CALB2: variants seen among roughly 807,000 people sequenced by gnomAD.
The protein encoded by CALB2 is calretinin.
A neutral mutation model predicts 45.9 loss-of-function variants in CALB2; 34 were observed. That is an observed-to-expected ratio of 0.74 (90% CI 0.56 to 0.99). The LOEUF (loss-of-function observed/expected upper bound fraction) is 0.99, where lower values mean the gene tolerates loss of function less well. CALB2 is among the 50% of genes least tolerant of loss of function. CALB2 has a pLI of 0.00. For synonymous variants in CALB2, 142 were observed against 129.6 expected (o/e 1.10, Z -0.65); for missense variants, 344 against 339.3 (o/e 1.01, Z -0.11).
chr16:71,389,821 C>A lies in CALB2; in HGVS notation c.772C>A (p.Arg258Ser), dbSNP rs776150442. The change falls in exon 11 of 11, where the codon CGC becomes AGC. Residue 258 changes from arginine (R) to serine (S), a missense_variant. By Grantham distance (110) the Arg-to-Ser change is moderately radical. Transcript: ENST00000302628. Reference protein sequence around the residue: ...MSLAEAGKLYRKDLEIVLCSE... With the variant: ...MSLAEAGKLYSKDLEIVLCSE... ...CTTGGCAGAGGCAGGGAAGCTCTAC[C>A]GCAAGGACCTGGAGATTGTGCTCTG... 6.2e-7 allele frequency: 1 copy of A among 1,613,858 alleles called. No homozygotes were observed. The highest frequency in any genetic ancestry group is 1.3e-5 in the African/African-American group (1 of 74,936).
In CALB2 at chr16:71,389,927, C is replaced by T. The variant is rs1333055501; in HGVS notation, c.*62C>T. The T allele has an allele frequency of 5.1e-6, 6 of 1,170,552 alleles. No individual in the cohort carries two copies. Among genetic ancestry groups the T allele is most frequent in the Middle Eastern group, 2.7e-4 (1 of 3,724 alleles). The allele number at this position is 1,170,552 out of a possible 1,614,324, so 72.5% of individuals were successfully genotyped here. On this transcript the variant is annotated 3_prime_UTR_variant, in exon 11 of 11. Coordinates refer to ENST00000302628, the MANE Select transcript of CALB2 (RefSeq NM_001740.5). The stretch of plus-strand genomic sequence containing the variant: ...CCCTGCTTCTGCTGCCCTGATGCGT[C>T]TACCCAGACTCAGAGACCGTGAGCG...
At chr16:71,377,555 A>C in intron 3 of CALB2, 112 bp from the exon 4 acceptor site, 1 of 693,426 alleles carries the variant, frequency 1.4e-6, no homozygotes, top group East Asian at 2.7e-5. Context: ...AAGAAAACGC[A>C]ATTCCCACAC....
At chr16:71,386,847 A>G (rs1318742842) in intron 10 of CALB2, among the ~76,000 whole-genome samples, 2 of 152,220 alleles carry the variant, frequency 1.3e-5, no homozygotes. Context: ...TATCTTAAAT[A>G]TCATCCTTCA....
At chr16:71,368,719 T>C (rs1259053200) in intron 1 of CALB2, among the ~76,000 whole-genome samples, 1 of 152,022 alleles carries the variant, frequency 6.6e-6, no homozygotes, top group Non-Finnish European at 1.5e-5. Context: ...AGATTATGTG[T>C]GGGTTCATTT....
intron 4 of CALB2, among the ~76,000 whole-genome samples, chr16:71,380,914 C>T (rs1228722286): frequency 5.3e-5 from 8 of 152,176 alleles, no homozygotes; most frequent in Non-Finnish European, 1.0e-4. Flanking sequence ...GAACTCTTTT[C>T]CTTGAATGAG....
chr16:71,389,837 T>C lies in CALB2; in HGVS notation c.788T>C (p.Ile263Thr), dbSNP rs200190075. The C allele has an allele frequency of 4.0e-5, 65 of 1,613,800 alleles. No homozygotes were observed. In the Middle Eastern group the frequency reaches 1.2e-3, roughly 29 times the overall value. ...AAGCTCTACCGCAAGGACCTGGAGA[T>C]TGTGCTCTGCAGCGAGCCCCCCATG... ...AGKLYRKDLEIVLCSEPPM is the reference protein window; with the variant it reads ...AGKLYRKDLETVLCSEPPM Residue 263 changes from isoleucine (I) to threonine (T), a missense_variant, in exon 11 of 11, where the codon ATT becomes ACT. Transcript: ENST00000302628.
At chr16:71,378,741 A>G (rs907082002) in intron 4 of CALB2, among the ~76,000 whole-genome samples, 4 of 152,208 alleles carry the variant, frequency 2.6e-5, no homozygotes, top group East Asian at 1.9e-4. Context: ...GGTCATTTGC[A>G]TATCACAGGC....
At chr16:71,373,629 T>G (rs2042378522) in intron 2 of CALB2, among the ~76,000 whole-genome samples, 1 of 152,140 alleles carries the variant, frequency 6.6e-6, no homozygotes, top group African/African-American at 2.4e-5. Flanking sequence ...TGTTATATAG[T>G]AGAAAGAATA....
In CALB2 at chr16:71,358,755, C is replaced by T; in HGVS notation, c.-38C>T. On this transcript the variant is annotated 5_prime_UTR_variant, in exon 1 of 11. Transcript: ENST00000302628. Reference sequence around the variant, plus strand: ...GTGCCAGAGCCCAGCCGGCGCGGAGCGGGAGCGGTGCAGGCTGAGGTCTCC... The same window carrying T: ...GTGCCAGAGCCCAGCCGGCGCGGAGTGGGAGCGGTGCAGGCTGAGGTCTCC... The T allele has an allele frequency of 1.3e-6, 2 of 1,528,040 alleles. No homozygotes were observed. Among genetic ancestry groups the T allele is most frequent in the South Asian group, 1.2e-5 (1 of 85,220 alleles). The allele number at this position is 1,528,040 out of a possible 1,614,324, so 94.7% of individuals were successfully genotyped here.
chr16:71,379,031 C>T (rs1567540808), intron 4 of CALB2, among the ~76,000 whole-genome samples: 1 of 152,100 alleles, frequency 6.6e-6, no homozygotes, highest in Non-Finnish European at 1.5e-5. Flanking sequence ...AATCCCAGCA[C>T]TTTGGGAGGC....
chr16:71,371,623 T>C (rs2042352076), intron 1 of CALB2, among the ~76,000 whole-genome samples: 1 of 152,184 alleles, frequency 6.6e-6, no homozygotes, highest in Non-Finnish European at 1.5e-5. Context: ...TGGGTCTCTG[T>C]GTCTCCATGA....
chr16:71,377,457 T>C (rs1172474867), intron 3 of CALB2, among the ~76,000 whole-genome samples: 1 of 152,186 alleles, frequency 6.6e-6, no homozygotes, highest in Non-Finnish European at 1.5e-5. Flanking sequence ...TGCTCATCCC[T>C]TAAGGTTGGG....
intron 2 of CALB2, 106 bp downstream of exon 2, chr16:71,372,335 C>A: frequency 1.4e-6 from 1 of 719,886 alleles, no homozygotes; most frequent in South Asian, 1.8e-5. Flanking sequence ...TATCGCTGGT[C>A]TTGACACAGC....
Position 71,383,957 on chromosome 16 carries a change from C to G in CALB2, c.478-13C>G. On this transcript the variant is annotated splice_polypyrimidine_tract_variant and intron_variant, in intron 6 of 10. Coordinates refer to ENST00000302628, the MANE Select transcript of CALB2 (RefSeq NM_001740.5). The stretch of plus-strand genomic sequence containing the variant: ...CACAGCAAATAACCCAGGCACCTTT[C>G]TGTCCCCAACAGCTACGGATGTTTG... 1 of 1,613,890 alleles carries G rather than the reference C, an allele frequency of 6.2e-7. No individual in the cohort carries two copies. The highest frequency in any genetic ancestry group is 8.5e-7 in the Non-Finnish European group (1 of 1,179,832).
At chr16:71,387,727 T>C (rs2042586781) in intron 10 of CALB2, among the ~76,000 whole-genome samples, 1 of 152,142 alleles carries the variant, frequency 6.6e-6, no homozygotes, top group Non-Finnish European at 1.5e-5. Context: ...ACTGCGGAAG[T>C]TGTCCCAAGC....
intron 10 of CALB2, among the ~76,000 whole-genome samples, chr16:71,387,935 C>A (rs928673799): frequency 6.6e-6 from 1 of 152,062 alleles, no homozygotes; most frequent in South Asian, 2.1e-4. Flanking sequence ...AGAGAAGCCC[C>A]GGCACAATGG....
chr16:71,368,861 G>C (rs563852280), intron 1 of CALB2, among the ~76,000 whole-genome samples: 1 of 152,172 alleles, frequency 6.6e-6, no homozygotes, highest in Non-Finnish European at 1.5e-5. Context: ...CCTGCTGGGC[G>C]AGGCACTGGA....
At chr16:71,387,165 G>A (rs541762359) in intron 10 of CALB2, among the ~76,000 whole-genome samples, 1 of 152,172 alleles carries the variant, frequency 6.6e-6, no homozygotes, top group Non-Finnish European at 1.5e-5. Context: ...ATCTCAGAGT[G>A]ACCTGAATTT....
intron 1 of CALB2, among the ~76,000 whole-genome samples, chr16:71,359,917 G>A (rs376363160): frequency 1.1e-4 from 17 of 152,362 alleles, no homozygotes; most frequent in African/African-American, 3.6e-4. Context: ...AATGGCTCCT[G>A]GAGGGGCTGA....
Sources: allele counts gnomAD v4.1 joint callset (sites outside exome capture counted in the v4.1 genomes callset), GRCh38; gene constraint gnomAD v4.1.1; transcripts MANE v1.5; gene names NCBI Gene and HGNC (gene_info 2026-07-23, HGNC 2026-07-21).